The following SPOCK2 variants were observed in gnomAD, a reference collection of about 807,000 sequenced individuals.
The protein encoded by SPOCK2 is SPARC (osteonectin), cwcv and kazal like domains proteoglycan 2.
A neutral mutation model predicts 60.1 loss-of-function variants in SPOCK2; 39 were observed. The ratio of observed to expected loss-of-function variants is 0.65; its 90% CI spans 0.50 to 0.85. SPOCK2 has a LOEUF of 0.85. Ranked by LOEUF, SPOCK2 falls within the 40% of genes least tolerant of loss-of-function variation. The pLI, the probability that SPOCK2 is intolerant of heterozygous loss-of-function variation, is 0.00. For synonymous variants in SPOCK2, 217 were observed against 231.5 expected, an observed-to-expected ratio of 0.94 and a Z score of 0.57; for missense variants, 523 against 567.4, an observed-to-expected ratio of 0.92 and a Z score of 0.80.
At chr10:72,078,899 A>C (rs983071816) in intron 1 of SPOCK2, among the ~76,000 whole-genome samples, 5 of 152,238 alleles carry the variant, frequency 3.3e-5, no homozygotes, top group Non-Finnish European at 5.9e-5. Flanking sequence ...CTAGTTAAAT[A>C]GCCAGTTCCT....
chr10:72,080,198 G>A (rs966241191), intron 1 of SPOCK2, among the ~76,000 whole-genome samples: 16 of 152,146 alleles, frequency 1.1e-4, no homozygotes, highest in African/African-American at 3.1e-4. Flanking sequence ...GCGACAGGAC[G>A]GAAAGAAGAC....
Position 72,062,642 on chromosome 10 carries a change from T to G in SPOCK2, c.*118A>C, listed in dbSNP as rs1589116043. Reference sequence around the variant, plus strand: ...ATGCCATGCACACTCACACTCCCAGTCCCCCCAGGTGGAGCAGGGTCCTTC... The same window carrying G: ...ATGCCATGCACACTCACACTCCCAGGCCCCCCAGGTGGAGCAGGGTCCTTC... On this transcript the variant is annotated 3_prime_UTR_variant, in exon 11 of 11. Coordinates refer to ENST00000373109, the MANE Select transcript of SPOCK2 (RefSeq NM_001244950.2). This position sits in a 1 kb window ranked among gnomAD's most constrained non-coding sequence, Gnocchi z 4.3. The G allele has an allele frequency of 6.7e-7, 1 of 1,501,984 alleles. No individual in the cohort carries two copies. The highest frequency in any genetic ancestry group is 8.8e-7 in the Non-Finnish European group (1 of 1,132,880). The allele number at this position is 1,501,984 out of a possible 1,614,324, so 93.0% of individuals were successfully genotyped here.
At chr10:72,073,371 G>T (rs1840674831) in intron 1 of SPOCK2, among the ~76,000 whole-genome samples, 1 of 152,234 alleles carries the variant, frequency 6.6e-6, no homozygotes, top group Non-Finnish European at 1.5e-5. Context: ...CCATGTGAGT[G>T]AGGTGGGAGG....
intron 5 of SPOCK2, 126 bp downstream of exon 5, chr10:72,070,186 A>T (rs986198374): frequency 1.2e-6 from 1 of 830,908 alleles, no homozygotes; most frequent in Non-Finnish European, 1.9e-6. Flanking sequence ...GAACACACTG[A>T]CCTTGCCATC....
At chr10:72,086,595 C>CTGCG in intron 1 of SPOCK2, 1 of 1,171,610 alleles carries the variant, frequency 8.5e-7, no homozygotes, top group African/African-American at 1.7e-5. Context: ...CGGCAGGAGA[C>CTGCG]TGCGGCTCAT....
intron 1 of SPOCK2, among the ~76,000 whole-genome samples, chr10:72,085,021 G>C (rs1364403409): frequency 6.6e-6 from 1 of 152,186 alleles, no homozygotes; most frequent in Non-Finnish European, 1.5e-5. Flanking sequence ...AGAACAGTCA[G>C]CTCTTCGTAG....
At chr10:72,078,311 C>T (rs937251325) in intron 1 of SPOCK2, among the ~76,000 whole-genome samples, 2 of 151,956 alleles carry the variant, frequency 1.3e-5, no homozygotes, top group Admixed American at 6.6e-5. Flanking sequence ...GTCAGGAGAT[C>T]GAGCACCCTG....
At chr10:72,068,054 G>T in intron 6 of SPOCK2, 133 bp downstream of exon 6, 1 of 1,050,502 alleles carries the variant, frequency 9.5e-7, no homozygotes, top group Non-Finnish European at 1.4e-6. Context: ...TGACCTCACA[G>T]CTCCCTCAAG....
Position 72,062,831 on chromosome 10 carries a change from C to G in SPOCK2, c.1204G>C (p.Glu402Gln). ...TCCTCCTCGGCCTCCTCGCCTGCTT[C>G]CTCCGTCTCCTTCTCCTCCTCATCC... ...WEDEEEKETEEAGEEAEEEEG... is the reference protein window; with the variant it reads ...WEDEEEKETEQAGEEAEEEEG... Residue 402 changes from glutamate (E) to glutamine (Q), a missense_variant, in exon 11 of 11, where the codon GAA becomes CAA. Transcript: ENST00000373109. The surrounding 1 kb of genome is among the most constrained non-coding windows in gnomAD (Gnocchi z 4.3). 1 of 1,609,366 alleles carries G rather than the reference C, an allele frequency of 6.2e-7. No homozygotes were observed. Among genetic ancestry groups the G allele is most frequent in the Non-Finnish European group, 8.5e-7 (1 of 1,179,242 alleles).
chr10:72,064,845 C>A (rs1363326229), intron 8 of SPOCK2, among the ~76,000 whole-genome samples: 1 of 151,712 alleles, frequency 6.6e-6, no homozygotes, highest in African/African-American at 2.4e-5. Context: ...ATTCTCCTGC[C>A]TCAGCCTCCC....
At chr10:72,080,161 A>C (rs1028218799) in intron 1 of SPOCK2, among the ~76,000 whole-genome samples, 1 of 152,102 alleles carries the variant, frequency 6.6e-6, no homozygotes, top group South Asian at 2.1e-4. Context: ...CATTGTCTCC[A>C]CTTGAGGACA....
chr10:72,062,771 A>T lies in SPOCK2; in HGVS notation c.1264T>A (p.Tyr422Asn). ...GEAGEADDGG[Y>N]IW is the part of the protein sequence containing the mutation. Reference sequence around the variant, plus strand: ...GCTCCTGAGGGCGTCTACCAGATGTAGCCCCCGTCGTCAGCCTCGCCTGCC... The same window carrying T: ...GCTCCTGAGGGCGTCTACCAGATGTTGCCCCCGTCGTCAGCCTCGCCTGCC... The change falls in exon 11 of 11, where the codon TAC becomes AAC. Residue 422 changes from tyrosine to asparagine, a missense_variant. Coordinates refer to ENST00000373109, the MANE Select transcript of SPOCK2 (RefSeq NM_001244950.2). This position sits in a 1 kb window ranked among gnomAD's most constrained non-coding sequence, Gnocchi z 4.3. 6.2e-7 allele frequency: 1 copy of T among 1,605,500 alleles called. No homozygotes were observed. Among genetic ancestry groups the T allele is most frequent in the Non-Finnish European group, 8.5e-7 (1 of 1,179,282 alleles).
rs1840470722 is a variant in SPOCK2, at chr10:72,059,996, C to CCCCT, written c.*2760_*2763dup. 6.6e-6 allele frequency: 1 copy of CCCCT among 152,602 alleles called. No individual in the cohort carries two copies. The highest frequency in any genetic ancestry group is 2.1e-4 in the South Asian group (1 of 4,836). The allele number at this position is 152,602 out of a possible 1,614,324, so 9.5% of individuals were successfully genotyped here. ...AGCTTCTTCCAGCATGGCCCTAATT[C>CCCCT]CCCTACCTGCCTAAGCCAGGGGAGT... On this transcript the variant is annotated 3_prime_UTR_variant, in exon 11 of 11. Transcript: ENST00000373109.
Position 72,072,493 on chromosome 10 carries a change from G to A in SPOCK2, c.244+10C>T. 5 of 1,613,944 alleles carry A rather than the reference G, an allele frequency of 3.1e-6. No individual in the cohort carries two copies. The Middle Eastern group carries it at 5.0e-4, about 160-fold the overall frequency. Reference sequence around the variant, plus strand: ...TCAGTCACCTTCCCCCGCCGGGAGAGTCATGTTACCTTCATCTCCTTGCTG... The same window carrying A: ...TCAGTCACCTTCCCCCGCCGGGAGAATCATGTTACCTTCATCTCCTTGCTG... On this transcript the variant is annotated intron_variant, in intron 3 of 10. Coordinates refer to ENST00000373109, the MANE Select transcript of SPOCK2 (RefSeq NM_001244950.2).
At chr10:72,074,703 G>A (rs1840692190) in intron 1 of SPOCK2, among the ~76,000 whole-genome samples, 2 of 152,326 alleles carry the variant, frequency 1.3e-5, no homozygotes, top group Non-Finnish European at 2.9e-5. Context: ...GAGGCAGCAG[G>A]AGTCGGGAAG....
rs1840896211 is a variant in SPOCK2 at position 72,088,409 on chromosome 10, C to A, written c.-81G>T. On this transcript the variant is annotated 5_prime_UTR_variant, in exon 1 of 11. Transcript: ENST00000373109. Reference sequence around the variant, plus strand: ...TCCTCCCACCCCGCTGCTGGCGAAGCGCACGCGGCTGTCCTCAGCTCTCCT... The same window carrying A: ...TCCTCCCACCCCGCTGCTGGCGAAGAGCACGCGGCTGTCCTCAGCTCTCCT... 63 of 1,421,352 alleles carry A rather than the reference C, an allele frequency of 4.4e-5. No homozygotes were observed. The South Asian group carries it at 7.0e-4, about 16-fold the overall frequency. The allele number at this position is 1,421,352 out of a possible 1,614,324, so 88.0% of individuals were successfully genotyped here.
At position 72,074,978 on chromosome 10, in the gene SPOCK2, C is replaced by T. The variant is rs535456313; in HGVS notation, c.190-2068G>A. 4.6e-5 allele frequency among the ~76,000 whole-genome samples: 7 copies of T among 152,112 alleles called. No homozygotes were observed. The East Asian group carries it at 1.4e-3, about 30-fold the overall frequency. On this transcript the variant is annotated intron_variant, in intron 1 of 10. Transcript: ENST00000373109. ...GGCTGCAGGGGTGCTTCCTGGGAGC[C>T]TGTGGGGCACCTGGCCCAGCACTCA...
intron 3 of SPOCK2, 106 bp from the exon 4 acceptor site, chr10:72,072,364 A>G: frequency 6.8e-7 from 1 of 1,465,764 alleles, no homozygotes. Context: ...CTTGATAACC[A>G]GAGCTCCTGA....
intron 1 of SPOCK2, chr10:72,086,777 C>T: frequency 6.7e-7 from 1 of 1,484,726 alleles, no homozygotes. Flanking sequence ...TGAATTACAA[C>T]CTGCCAGTTT....
Sources: gnomAD v4.1 joint callset for allele counts (sites outside exome capture counted in the v4.1 genomes callset) on GRCh38, gnomAD v4.1.1 for gene constraint, Gnocchi (gnomAD v3.1) non-coding constraint, MANE v1.5 for transcripts, NCBI Gene and HGNC (gene_info 2026-07-23, HGNC 2026-07-21) for gene names.